Variants in NCKAP1 observed in about 807,000 individuals in gnomAD.
NCKAP1 encodes NCK associated protein 1.
NCKAP1 carries 21 observed loss-of-function variants against 151.2 expected under a neutral mutation model. The ratio of observed to expected loss-of-function variants is 0.14; its 90% CI spans 0.10 to 0.20. NCKAP1 has a LOEUF of 0.20. Ranked by LOEUF, NCKAP1 falls within the 10% of genes least tolerant of loss-of-function variation. The probability of loss-of-function intolerance (pLI) is 1.00; values close to 1 mark genes in which losing one functional copy is unlikely to be tolerated. For synonymous variants in NCKAP1, 484 were observed against 451.8 expected (o/e 1.07, Z -0.90); for missense variants, 933 against 1,352.1 (o/e 0.69, Z 4.86).
At chr2:183,018,800 G>A (rs1698743090) in intron 2 of NCKAP1, among the ~76,000 whole-genome samples, 1 of 152,070 alleles carries the variant, frequency 6.6e-6, no homozygotes, top group Admixed American at 6.6e-5. Flanking sequence ...TTCATTAATG[G>A]GACATTTATT....
Position 182,942,172 on chromosome 2 carries a change from AAAAG to A in NCKAP1, c.2602-13_2602-10del. 1 of 1,608,230 alleles carries A rather than the reference AAAAG, an allele frequency of 6.2e-7. No individual in the cohort carries two copies. The highest frequency in any genetic ancestry group is 8.5e-7 in the Non-Finnish European group (1 of 1,176,544). ...TTCTCCACCACAAGTTTCTAAAAAA[AAAAG>A]AAAGATCCTAGGTCAGGCACAGACC... is the stretch of plus-strand genomic sequence containing the variant. On this transcript the variant is annotated splice_polypyrimidine_tract_variant and intron_variant, in intron 23 of 30. Transcript: ENST00000361354.
At chr2:182,996,657 C>T (rs1698275980) in intron 6 of NCKAP1, among the ~76,000 whole-genome samples, 2 of 152,138 alleles carry the variant, frequency 1.3e-5, no homozygotes, top group African/African-American at 4.8e-5. Flanking sequence ...GGGGTTTCAC[C>T]GTGTTAGCCA....
Position 182,957,542 on chromosome 2 carries a change from T to C in NCKAP1, c.1936A>G (p.Lys646Glu). Reference protein sequence around the residue: ...TISQAVNKKSKKQTGKKGEPE... With the variant: ...TISQAVNKKSEKQTGKKGEPE... ...TCCCCTTTCTTACCAGTCTGCTTTT[T>C]TGATTTCTTATTCACTGCTTGACTG... is the stretch of plus-strand genomic sequence containing the variant. Residue 646 changes from lysine (K) to glutamate (E), a missense_variant, in exon 19 of 31, where the codon AAA (lysine) becomes GAA (glutamate). Physicochemically the swap from Lys to Glu is moderately conservative, Grantham distance 56. Coordinates refer to ENST00000361354, the MANE Select transcript of NCKAP1 (RefSeq NM_013436.5). The C allele has an allele frequency of 6.2e-7, 1 of 1,614,046 alleles. No homozygotes were observed. The highest frequency in any genetic ancestry group is 8.5e-7 in the Non-Finnish European group (1 of 1,179,936).
At chr2:182,937,047 G>A (rs185620272) in intron 24 of NCKAP1, among the ~76,000 whole-genome samples, 7 of 146,274 alleles carry the variant, frequency 4.8e-5, no homozygotes, top group African/African-American at 1.3e-4. Flanking sequence ...CCCAGGAGGC[G>A]GAGGCTGCAG....
At chr2:183,030,603 C>T (rs1183108895) in intron 1 of NCKAP1, among the ~76,000 whole-genome samples, 3 of 151,966 alleles carry the variant, frequency 2.0e-5, no homozygotes, top group Admixed American at 6.6e-5. Flanking sequence ...AATTTAGACT[C>T]GAAAGAGGAA....
intron 12 of NCKAP1, among the ~76,000 whole-genome samples, chr2:182,982,571 TAAAC>T (rs1253864771): frequency 3.3e-5 from 5 of 152,170 alleles, no homozygotes; most frequent in African/African-American, 1.2e-4. Context: ...ATCAGAAAGA[TAAAC>T]AACCTATACT....
At chr2:182,963,455 T>A (rs553821758) in intron 17 of NCKAP1, among the ~76,000 whole-genome samples, 3 of 152,098 alleles carry the variant, frequency 2.0e-5, no homozygotes, top group Non-Finnish European at 4.4e-5. Flanking sequence ...AAAACTAAGG[T>A]TTAACATGTC....
Position 182,962,823 on chromosome 2 carries a change from G to T in NCKAP1, c.1762-545C>A, listed in dbSNP as rs930897684. 3.3e-5 allele frequency among the ~76,000 whole-genome samples: 4 copies of T among 119,626 alleles called. No homozygotes were observed. In the Admixed American group the frequency reaches 3.4e-4, roughly 10 times the overall value. 78.5% of individuals were successfully genotyped at this position (119,626 alleles called of 152,430 possible). On this transcript the variant is annotated intron_variant, in intron 17 of 30. Transcript: ENST00000361354. ...AATCAAACCCTATTGCTCCCAGGAA[G>T]AAAAAAAAAAAAAACGCTGATCATG...
At chr2:182,964,187 CTG>C (rs959709892) in intron 17 of NCKAP1, among the ~76,000 whole-genome samples, 1 of 152,024 alleles carries the variant, frequency 6.6e-6, no homozygotes, top group African/African-American at 2.4e-5. Flanking sequence ...TACTCTGCAA[CTG>C]TGTGTGTGTA....
chr2:182,990,320 G>A (rs943299745), intron 8 of NCKAP1, among the ~76,000 whole-genome samples: 6 of 151,910 alleles, frequency 3.9e-5, no homozygotes, highest in African/African-American at 1.2e-4. Flanking sequence ...TTACAGGTAT[G>A]AGCAACTGCA....
intron 18 of NCKAP1, among the ~76,000 whole-genome samples, chr2:182,957,914 A>G (rs1259950922): frequency 2.0e-5 from 3 of 152,208 alleles, no homozygotes; most frequent in African/African-American, 7.2e-5. Flanking sequence ...ATGAAAAAGA[A>G]TATTTCACTG....
At chr2:182,971,513 G>T (rs1697691366) in intron 15 of NCKAP1, among the ~76,000 whole-genome samples, 1 of 149,664 alleles carries the variant, frequency 6.7e-6, no homozygotes, top group South Asian at 2.1e-4. Context: ...AAATACCAAT[G>T]ACATTCTTTA....
intron 9 of NCKAP1, 149 bp from the exon 10 acceptor site, chr2:182,986,376 A>G: frequency 1.6e-6 from 1 of 622,284 alleles, no homozygotes; most frequent in East Asian, 2.9e-5. Flanking sequence ...ATCTACCCAC[A>G]CTTTTTCCTA....
At chr2:182,993,325 A>G (rs547286970) in intron 8 of NCKAP1, among the ~76,000 whole-genome samples, 5 of 152,240 alleles carry the variant, frequency 3.3e-5, no homozygotes, top group African/African-American at 1.2e-4. Flanking sequence ...TTGGCTGTTG[A>G]CTGAATCTCT....
intron 2 of NCKAP1, among the ~76,000 whole-genome samples, chr2:183,018,091 T>C (rs992129438): frequency 4.6e-5 from 7 of 151,732 alleles, no homozygotes; most frequent in Admixed American, 2.0e-4. Flanking sequence ...CTACTAAAAA[T>C]AGAAAATTAG....
chr2:183,016,855 G>A (rs993697338), intron 2 of NCKAP1, among the ~76,000 whole-genome samples: 1 of 152,130 alleles, frequency 6.6e-6, no homozygotes, highest in Non-Finnish European at 1.5e-5. Flanking sequence ...TCAATGTTTG[G>A]ATTAACATGG....
rs560755230 is a variant in NCKAP1 at position 182,911,618 on chromosome 2, G to C, written c.*14084C>G. 1 of 151,964 alleles carries C rather than the reference G, an allele frequency of 6.6e-6. No individual in the cohort carries two copies. Among genetic ancestry groups the C allele is most frequent in the Non-Finnish European group, 1.5e-5 (1 of 68,002 alleles). 9.4% of individuals were successfully genotyped at this position (151,964 alleles called of 1,614,324 possible). ...CTATGAATGGCCATCATAATGATTT[G>C]AAACTAGCAAAGTTATCAGTTAGGT... On this transcript the variant is annotated 3_prime_UTR_variant, in exon 31 of 31. Coordinates refer to ENST00000361354, the MANE Select transcript of NCKAP1 (RefSeq NM_013436.5).
At chr2:182,961,011 C>A (rs1697437471) in intron 18 of NCKAP1, among the ~76,000 whole-genome samples, 1 of 152,188 alleles carries the variant, frequency 6.6e-6, no homozygotes, top group Non-Finnish European at 1.5e-5. Flanking sequence ...CAGAGAAATG[C>A]AAATCAAAAA....
intron 8 of NCKAP1, among the ~76,000 whole-genome samples, chr2:182,992,258 C>T (rs1188051309): frequency 6.6e-6 from 1 of 152,178 alleles, no homozygotes; most frequent in African/African-American, 2.4e-5. Flanking sequence ...GAGGCAACTC[C>T]TAACCTCCAG....
Sources: gnomAD v4.1 joint callset for allele counts (sites outside exome capture counted in the v4.1 genomes callset) on GRCh38, gnomAD v4.1.1 for gene constraint, MANE v1.5 for transcripts, NCBI Gene and HGNC (gene_info 2026-07-23, HGNC 2026-07-21) for gene names.